Variants in CA6 observed in about 807,000 individuals in gnomAD.
The protein encoded by CA6 is carbonate dehydratase VI.
A neutral mutation model predicts 35.9 loss-of-function variants in CA6; 28 were observed. The observed-to-expected ratio is 0.78, with a 90% CI of 0.58 to 1.07. The LOEUF is 1.07. CA6 is among the 50% of genes least tolerant of loss of function. CA6 has a pLI of 0.00. For synonymous variants in CA6, 148 were observed against 152.6 expected (o/e 0.97, Z 0.22); for missense variants, 377 against 382.0 (o/e 0.99, Z 0.11).
intron 2 of CA6, among the ~76,000 whole-genome samples, chr1:8,955,192 T>G (rs1639642097): frequency 6.6e-6 from 1 of 152,074 alleles, no homozygotes; most frequent in Non-Finnish European, 1.5e-5. Flanking sequence ...CTGGGCAACA[T>G]GGTGAAATTC....
intron 6 of CA6, 143 bp downstream of exon 6, chr1:8,967,959 C>G: frequency 1.9e-6 from 1 of 517,374 alleles, no homozygotes; most frequent in Non-Finnish European, 3.2e-6. Flanking sequence ...CTCGTCTAGC[C>G]AACCTTTTTT....
At chr1:8,969,974 C>G (rs973050752) in intron 6 of CA6, among the ~76,000 whole-genome samples, 1 of 152,010 alleles carries the variant, frequency 6.6e-6, no homozygotes, top group Non-Finnish European at 1.5e-5. Flanking sequence ...CTATGGGAGG[C>G]TGAGTGGGCG....
chr1:8,961,340 A>C (rs1456064310), intron 4 of CA6, among the ~76,000 whole-genome samples: 1 of 152,226 alleles, frequency 6.6e-6, no homozygotes, highest in African/African-American at 2.4e-5. Context: ...CTTTTTAAAA[A>C]CCATCAAGAT....
Position 8,957,189 on chromosome 1 carries a change from A to G in CA6, c.312A>G (p.Val104=). 2 of 1,613,962 alleles carry G rather than the reference A, an allele frequency of 1.2e-6. No individual in the cohort carries two copies. The highest frequency in any genetic ancestry group is 1.7e-6 in the Non-Finnish European group (2 of 1,179,940). Residue 104 remains valine, a synonymous_variant, in exon 3 of 8, where the codon GTA becomes GTG. Transcript: ENST00000377443. ...TMRMTVADGT[V]YIAQQMHFHW... ...GCATGACAGTGGCTGACGGCACTGT[A>G]TACATAGCCCAGCAGATGCACTTTC...
At chr1:8,967,581 G>GAGGCCT in intron 5 of CA6, 78 bp from the exon 6 acceptor site, 1 of 1,189,604 alleles carries the variant, frequency 8.4e-7, no homozygotes, top group African/African-American at 1.5e-5. Context: ...GGAACCTGGC[G>GAGGCCT]AGGCCTGGGC....
intron 4 of CA6, among the ~76,000 whole-genome samples, chr1:8,960,023 G>T (rs1176492105): frequency 1.3e-5 from 2 of 150,506 alleles, no homozygotes; most frequent in African/African-American, 4.9e-5. Flanking sequence ...CCTGAGGTCA[G>T]GAATTCAAGA....
intron 3 of CA6, among the ~76,000 whole-genome samples, chr1:8,958,524 A>G (rs951843945): frequency 6.6e-6 from 1 of 152,134 alleles, no homozygotes; most frequent in African/African-American, 2.4e-5. Flanking sequence ...GGATGACTAC[A>G]TGTTAACAAT....
chr1:8,967,329 A>G (rs780113079), intron 5 of CA6, among the ~76,000 whole-genome samples: 1 of 152,128 alleles, frequency 6.6e-6, no homozygotes, highest in Non-Finnish European at 1.5e-5. Flanking sequence ...TAGTGGTTCA[A>G]TGCCAGCTGC....
intron 4 of CA6, among the ~76,000 whole-genome samples, chr1:8,960,167 G>T (rs1040454253): frequency 1.3e-5 from 2 of 151,750 alleles, no homozygotes; most frequent in African/African-American, 4.8e-5. Flanking sequence ...AGAGGCAGAG[G>T]CTGCAGTGAG....
At chr1:8,974,355 C>G (rs1458155794) in intron 7 of CA6, 1 of 1,519,044 alleles carries the variant, frequency 6.6e-7, no homozygotes, top group Non-Finnish European at 8.8e-7. Flanking sequence ...AGGCAAGGGC[C>G]ACGGGGGGCA....
At chr1:8,959,931 CAA>C (rs373250863) in intron 4 of CA6, among the ~76,000 whole-genome samples, 18 of 75,132 alleles carry the variant, frequency 2.4e-4, no homozygotes, top group African/African-American at 4.1e-4. Context: ...GATTCTATCT[CAA>C]AAAAAAAAAA....
intron 2 of CA6, among the ~76,000 whole-genome samples, chr1:8,956,059 C>G (rs1210683534): frequency 1.3e-5 from 2 of 148,758 alleles, no homozygotes; most frequent in African/African-American, 5.2e-5. Context: ...CCTGTCTCTA[C>G]TAAAAATACA....
chr1:8,949,511 T>A (rs1338352586), intron 2 of CA6, 69 bp downstream of exon 2: 4 of 1,334,218 alleles, frequency 3.0e-6, no homozygotes, highest in African/African-American at 1.5e-5. Context: ...GTTACACGTG[T>A]CCCTGCCAGG....
chr1:8,970,994 G>T lies in CA6; in HGVS notation c.844+13G>T. 6.6e-7 allele frequency: 1 copy of T among 1,523,706 alleles called. No homozygotes were observed. 94.4% of individuals were successfully genotyped at this position (1,523,706 alleles called of 1,614,324 possible). A position where few individuals can be genotyped will look rare whatever the true frequency, so the allele number is the denominator to read the frequency against. On this transcript the variant is annotated intron_variant, in intron 7 of 7. Transcript: ENST00000377443. ...TTCCCGAATCAGGGTGAGTGAGACC[G>T]ACTCTTGATCATGCTCTGCAGTTTA...
intron 1 of CA6, among the ~76,000 whole-genome samples, chr1:8,947,615 C>A (rs1468035467): frequency 6.6e-6 from 1 of 152,074 alleles, no homozygotes; most frequent in Non-Finnish European, 1.5e-5. Context: ...CAATGAAGTC[C>A]TTGTCCTTCC....
intron 7 of CA6, chr1:8,974,293 C>T (rs1351157124): frequency 1.2e-5 from 15 of 1,211,924 alleles, no homozygotes; most frequent in African/African-American, 3.1e-5. Flanking sequence ...AAGACGATGG[C>T]CAAATACGGA....
intron 1 of CA6, among the ~76,000 whole-genome samples, chr1:8,947,286 T>C (rs1364876108): frequency 6.6e-6 from 1 of 151,914 alleles, no homozygotes; most frequent in Non-Finnish European, 1.5e-5. Flanking sequence ...GGACCATGGA[T>C]TGGGGCCCAT....
At chr1:8,951,103 C>T (rs1339165724) in intron 2 of CA6, among the ~76,000 whole-genome samples, 11 of 151,916 alleles carry the variant, frequency 7.2e-5, no homozygotes. Context: ...GTAATCCCAG[C>T]TACTCGGGAG....
chr1:8,973,785 TTTTCCC>T (rs1640191641), intron 7 of CA6, among the ~76,000 whole-genome samples: 1 of 2,738 alleles, frequency 3.7e-4, no homozygotes. Flanking sequence ...TCTTTCTTTC[TTTTCCC>T]TCCCTCCCTC....
Sources: gnomAD v4.1 joint callset for allele counts (sites outside exome capture counted in the v4.1 genomes callset) on GRCh38, gnomAD v4.1.1 for gene constraint, MANE v1.5 for transcripts, NCBI Gene and HGNC (gene_info 2026-07-23, HGNC 2026-07-21) for gene names.